The following SMAD3 variants were observed in gnomAD, a reference collection of about 807,000 sequenced individuals.
SMAD3 encodes MAD homolog 3.
SMAD3 carries 12 observed loss-of-function variants against 51.8 expected under a neutral mutation model. The observed-to-expected ratio is 0.23, with a 90% CI of 0.15 to 0.38. The LOEUF (loss-of-function observed/expected upper bound fraction) is 0.38, where lower values mean the gene tolerates loss of function less well. Among genes scored for constraint, SMAD3 ranks in the 10% least tolerant of loss-of-function variants. The pLI is 1.00. For synonymous variants in SMAD3, 238 were observed against 227.7 expected, an observed-to-expected ratio of 1.05 and a Z score of -0.41; for missense variants, 294 against 565.6, an observed-to-expected ratio of 0.52 and a Z score of 4.87.
chr15:67,086,187 A>G (rs1595891215), intron 1 of SMAD3, among the ~76,000 whole-genome samples: 1 of 152,294 alleles, frequency 6.6e-6, no homozygotes, highest in Admixed American at 6.5e-5. Flanking sequence ...GGCCTTAGCC[A>G]ACTCCAGCAT....
At chr15:67,078,770 C>A (rs1960222216) in intron 1 of SMAD3, among the ~76,000 whole-genome samples, 1 of 152,202 alleles carries the variant, frequency 6.6e-6, no homozygotes, top group Non-Finnish European at 1.5e-5. Context: ...GCCCTGGGTT[C>A]AAATCCCTGC....
chr15:67,089,736 A>G (rs1239134976), intron 1 of SMAD3, among the ~76,000 whole-genome samples: 1 of 152,224 alleles, frequency 6.6e-6, no homozygotes, highest in Non-Finnish European at 1.5e-5. Flanking sequence ...CAGTTTACAA[A>G]GCACTTTCCC....
chr15:67,068,846 A>G (rs569596072), intron 1 of SMAD3, among the ~76,000 whole-genome samples: 3 of 152,156 alleles, frequency 2.0e-5, no homozygotes, highest in Admixed American at 6.5e-5. Context: ...GGTGATATCA[A>G]TGTGTCTGCT....
intron 1 of SMAD3, among the ~76,000 whole-genome samples, chr15:67,071,824 T>C (rs1960061120): frequency 6.6e-6 from 1 of 151,822 alleles, no homozygotes; most frequent in Non-Finnish European, 1.5e-5. Context: ...AATAAATAAA[T>C]AAATAAATGA....
At chr15:67,072,062 A>G (rs1172342047) in intron 1 of SMAD3, among the ~76,000 whole-genome samples, 1 of 152,234 alleles carries the variant, frequency 6.6e-6, no homozygotes, top group Non-Finnish European at 1.5e-5. Flanking sequence ...TTTAATTCTG[A>G]TGAGAAATGC....
At chr15:67,098,341 AGG>A (rs1286228168) in intron 1 of SMAD3, among the ~76,000 whole-genome samples, 2 of 60,676 alleles carry the variant, frequency 3.3e-5, no homozygotes, top group Non-Finnish European at 6.1e-5. Flanking sequence ...GGAGGGAGGG[AGG>A]GAGGGAGAGA....
chr15:67,172,407 G>A (rs1054510175), intron 5 of SMAD3, among the ~76,000 whole-genome samples: 13 of 152,352 alleles, frequency 8.5e-5, no homozygotes, highest in African/African-American at 2.4e-4. Flanking sequence ...GTAAGACACC[G>A]TGCTGACAGG....
chr15:67,172,912 G>C (rs1231153344), intron 5 of SMAD3, among the ~76,000 whole-genome samples: 2 of 152,136 alleles, frequency 1.3e-5, no homozygotes, highest in African/African-American at 2.4e-5. Context: ...TGGCTCCCGG[G>C]GGGAAGCCCT....
Position 67,138,154 on chromosome 15 carries a change from A to G in SMAD3, c.207-26741A>G, listed in dbSNP as rs796653293. On this transcript the variant is annotated intron_variant, in intron 1 of 8. Transcript: ENST00000327367. ...TTCTCTTTCTTGAACTCGTCTCCCCACCCGTCCACAGGGTTGCTGGCCAGA... is the reference window on the plus strand; with the variant it reads ...TTCTCTTTCTTGAACTCGTCTCCCCGCCCGTCCACAGGGTTGCTGGCCAGA... 18 of 1,350,570 alleles carry G rather than the reference A, an allele frequency of 1.3e-5. No individual in the cohort carries two copies. In the East Asian group the frequency reaches 4.3e-4, roughly 32 times the overall value. The allele number at this position is 1,350,570 out of a possible 1,614,324, so 83.7% of individuals were successfully genotyped here.
chr15:67,073,641 CTTGGAA>C (rs1283310769), intron 1 of SMAD3, among the ~76,000 whole-genome samples: 5 of 151,642 alleles, frequency 3.3e-5, no homozygotes, highest in African/African-American at 1.2e-4. Flanking sequence ...GCCTTTCTAA[CTTGGAA>C]TTGGTATTCA....
chr15:67,087,344 G>A (rs1282548090), intron 1 of SMAD3, among the ~76,000 whole-genome samples: 1 of 152,132 alleles, frequency 6.6e-6, no homozygotes, highest in Admixed American at 6.5e-5. Flanking sequence ...GCAAGTGGGG[G>A]GGTGTTCTTT....
intron 1 of SMAD3, among the ~76,000 whole-genome samples, chr15:67,085,580 T>C (rs1960370480): frequency 6.6e-6 from 1 of 152,100 alleles, no homozygotes; most frequent in Admixed American, 6.5e-5. Flanking sequence ...AGGGCTAGGA[T>C]TCTTGATTCC....
intron 1 of SMAD3, among the ~76,000 whole-genome samples, chr15:67,155,803 C>T (rs1308505522): frequency 2.0e-5 from 3 of 151,962 alleles, no homozygotes; most frequent in East Asian, 3.9e-4. Flanking sequence ...CTGGCCAACA[C>T]GGTGAAACCC....
At chr15:67,079,008 C>T (rs1003468907) in intron 1 of SMAD3, among the ~76,000 whole-genome samples, 4 of 149,964 alleles carry the variant, frequency 2.7e-5, no homozygotes, top group East Asian at 3.9e-4. Context: ...GACGGAGTTT[C>T]GCTCTTGTTG....
Position 67,164,908 on chromosome 15 carries a change from C to A in SMAD3, c.220C>A (p.Arg74=), listed in dbSNP as rs1343295267. The A allele has an allele frequency of 6.2e-7, 1 of 1,613,042 alleles. No homozygotes were observed. The change falls in exon 2 of 9, where the codon CGG becomes AGG. Residue 74 remains arginine, a synonymous_variant. Coordinates refer to ENST00000327367, the MANE Select transcript of SMAD3 (RefSeq NM_005902.4). ...CCGTCCTGGCAGGTCCCTGGATGGC[C>A]GGTTGCAGGTGTCCCATCGGAAGGG... ...CITIPRSLDG[R]LQVSHRKGLP...
intron 1 of SMAD3, among the ~76,000 whole-genome samples, chr15:67,118,427 A>T (rs1335627780): frequency 2.0e-5 from 3 of 152,198 alleles, no homozygotes; most frequent in Non-Finnish European, 4.4e-5. Context: ...GTGGGCTTTG[A>T]TATTTTCCAA....
At chr15:67,156,687 A>G (rs893361703) in intron 1 of SMAD3, among the ~76,000 whole-genome samples, 1 of 58,582 alleles carries the variant, frequency 1.7e-5, no homozygotes, top group African/African-American at 6.6e-5. Flanking sequence ...TCCATTGTTT[A>G]TGCTCACTCA....
chr15:67,090,787 T>G (rs540808240), intron 1 of SMAD3, among the ~76,000 whole-genome samples: 13 of 152,330 alleles, frequency 8.5e-5, no homozygotes, highest in South Asian at 2.1e-4. Context: ...AAATCAGCTT[T>G]GACTTGGGTC....
At chr15:67,079,765 T>A (rs1473087691) in intron 1 of SMAD3, among the ~76,000 whole-genome samples, 3 of 152,244 alleles carry the variant, frequency 2.0e-5, no homozygotes, top group Non-Finnish European at 2.9e-5. Context: ...CTCTGGTCTC[T>A]GGTTCCTAGT....
Sources: allele counts gnomAD v4.1 joint callset (sites outside exome capture counted in the v4.1 genomes callset), GRCh38; gene constraint gnomAD v4.1.1; transcripts MANE v1.5; gene names NCBI Gene and HGNC (gene_info 2026-07-23, HGNC 2026-07-21).